The following SULT1E1 variants were observed in gnomAD, a reference collection of about 807,000 sequenced individuals.
The protein encoded by SULT1E1 is sulfotransferase family 1E member 1.
SULT1E1 carries 36 observed loss-of-function variants against 33.6 expected under a neutral mutation model. That is an observed-to-expected ratio of 1.07 (90% CI 0.82 to 1.41). The LOEUF (loss-of-function observed/expected upper bound fraction) is 1.41, where lower values mean the gene tolerates loss of function less well. SULT1E1 is among the 40% of genes most tolerant of loss of function. SULT1E1 has a pLI of 0.00. For synonymous variants in SULT1E1, 121 were observed against 111.7 expected (o/e 1.08, Z -0.53); for missense variants, 371 against 345.7 (o/e 1.07, Z -0.58).
intron 4 of SULT1E1, among the ~76,000 whole-genome samples, chr4:69,851,076 T>C (rs911743561): frequency 1.3e-5 from 2 of 152,102 alleles, no homozygotes; most frequent in African/African-American, 4.8e-5. Context: ...TTGCCATTGC[T>C]TTTGGTGTTT....
At chr4:69,848,071 G>A (rs2110068341) in intron 5 of SULT1E1, among the ~76,000 whole-genome samples, 1 of 141,050 alleles carries the variant, frequency 7.1e-6, no homozygotes, top group Middle Eastern at 3.6e-3. Flanking sequence ...AAGCTTATGA[G>A]AAAATTGTTG....
the SULT1E1 span, among the ~76,000 whole-genome samples, chr4:69,826,084 C>G: frequency 3.3e-5 from 5 of 152,116 alleles, no homozygotes; most frequent in Middle Eastern, 3.2e-3. Context: ...AAAAGCTATT[C>G]CTGAAGCTAG....
intron 6 of SULT1E1, among the ~76,000 whole-genome samples, chr4:69,844,853 A>G (rs568210868): frequency 3.9e-5 from 6 of 152,176 alleles, no homozygotes; most frequent in Non-Finnish European, 5.9e-5. Flanking sequence ...TATCTGTGCC[A>G]CTCCTATAAT....
downstream of SULT1E1, among the ~76,000 whole-genome samples, chr4:69,840,194 T>C (rs1382813032): frequency 6.6e-6 from 1 of 152,050 alleles, no homozygotes; most frequent in East Asian, 1.9e-4. Flanking sequence ...GTATAATTAA[T>C]AACTATATTA....
the SULT1E1 span, among the ~76,000 whole-genome samples, chr4:69,831,113 G>C: frequency 6.6e-6 from 1 of 152,108 alleles, no homozygotes; most frequent in Admixed American, 6.5e-5. Flanking sequence ...ACTCCTTGTG[G>C]GCAGCTGGGG....
the SULT1E1 span, among the ~76,000 whole-genome samples, chr4:69,834,848 C>T: frequency 5.5e-4 from 83 of 151,954 alleles, no homozygotes; most frequent in African/African-American, 1.9e-3. Flanking sequence ...CAGGGAAAAT[C>T]GCTGTTTCTA....
intron 2 of SULT1E1, among the ~76,000 whole-genome samples, chr4:69,856,257 C>G (rs1465351731): frequency 6.6e-6 from 1 of 152,134 alleles, no homozygotes; most frequent in Non-Finnish European, 1.5e-5. Context: ...CTCAGGCAAG[C>G]AGATAACAAG....
At position 69,841,673 on chromosome 4, in the gene SULT1E1, CAAAAAAACATTAA is replaced by C; in HGVS notation, c.*308_*320del. On this transcript the variant is annotated 3_prime_UTR_variant, in exon 8 of 8. Coordinates refer to ENST00000226444, the MANE Select transcript of SULT1E1 (RefSeq NM_005420.3). ...ACAATATAATAAGACCTCATCTCTA[CAAAAAAACATTAA>C]AAAAATTAGCCAAACATGGTTGCAC... is the stretch of plus-strand genomic sequence containing the variant. The C allele has an allele frequency of 5.5e-6, 1 of 182,188 alleles. No homozygotes were observed. Among genetic ancestry groups the C allele is most frequent in the Non-Finnish European group, 1.1e-5 (1 of 89,490 alleles). The allele number at this position is 182,188 out of a possible 1,614,324, so 11.3% of individuals were successfully genotyped here.
the SULT1E1 span, among the ~76,000 whole-genome samples, chr4:69,827,655 C>T: frequency 6.6e-6 from 1 of 152,164 alleles, no homozygotes; most frequent in African/African-American, 2.4e-5. Context: ...AAAGCGAGCC[C>T]TGGGCCCTGA....
downstream of SULT1E1, among the ~76,000 whole-genome samples, chr4:69,837,106 G>T (rs1483050512): frequency 6.6e-6 from 1 of 151,754 alleles, no homozygotes; most frequent in Admixed American, 6.6e-5. Flanking sequence ...AAAAAATGTA[G>T]GTAGGGGTTA....
the SULT1E1 span, among the ~76,000 whole-genome samples, chr4:69,825,430 G>A: frequency 6.6e-6 from 1 of 152,192 alleles, no homozygotes; most frequent in East Asian, 1.9e-4. Context: ...CAATCACCAA[G>A]TGGTGAGTAG....
downstream of SULT1E1, among the ~76,000 whole-genome samples, chr4:69,840,656 T>C (rs1281108721): frequency 6.6e-6 from 1 of 152,204 alleles, no homozygotes; most frequent in Non-Finnish European, 1.5e-5. Flanking sequence ...ATCACACTCA[T>C]TGGAATTATT....
chr4:69,849,572 A>T lies in SULT1E1; in HGVS notation c.370-9T>A. 6.3e-7 allele frequency: 1 copy of T among 1,583,538 alleles called. No homozygotes were observed. The highest frequency in any genetic ancestry group is 1.4e-5 in the African/African-American group (1 of 73,122). ...CGGCAAAGATAGATTATCTAAGAGGATGAAATTGTATATTAAACCACTTAA... is the reference window on the plus strand; with the variant it reads ...CGGCAAAGATAGATTATCTAAGAGGTTGAAATTGTATATTAAACCACTTAA... On this transcript the variant is annotated splice_polypyrimidine_tract_variant and intron_variant, in intron 4 of 7. Transcript: ENST00000226444.
In SULT1E1 at chr4:69,860,081, T is replaced by C. The variant is rs1349324022; in HGVS notation, c.-42A>G. ...GTTGATCCTGTGAAAGAAATTGATC[T>C]AGTTTATATCTCTTCAAATACCAAG... On this transcript the variant is annotated 5_prime_UTR_variant, in exon 1 of 8. Coordinates refer to ENST00000226444, the MANE Select transcript of SULT1E1 (RefSeq NM_005420.3). The C allele has an allele frequency of 1.3e-5, 2 of 152,134 alleles. No homozygotes were observed. The highest frequency in any genetic ancestry group is 2.9e-5 in the Non-Finnish European group (2 of 67,978). 9.4% of individuals were successfully genotyped at this position (152,134 alleles called of 1,614,324 possible).
intron 4 of SULT1E1, among the ~76,000 whole-genome samples, chr4:69,851,309 T>A (rs1396648040): frequency 1.3e-5 from 2 of 151,860 alleles, no homozygotes; most frequent in Admixed American, 6.6e-5. Context: ...CAAAAATGGG[T>A]GAAGGATATG....
chr4:69,839,511 G>C (rs1720844617), downstream of SULT1E1, among the ~76,000 whole-genome samples: 1 of 152,156 alleles, frequency 6.6e-6, no homozygotes, highest in Admixed American at 6.5e-5. Flanking sequence ...ACATTCAAAT[G>C]ATAACACATG....
chr4:69,822,500 C>T, the SULT1E1 span, among the ~76,000 whole-genome samples: 60 of 152,138 alleles, frequency 3.9e-4, 1 homozygote, highest in East Asian at 7.7e-4. Flanking sequence ...CCCAGCTACT[C>T]GGGAGACTGA....
intron 6 of SULT1E1, among the ~76,000 whole-genome samples, chr4:69,847,384 G>T (rs1294389721): frequency 6.6e-6 from 1 of 151,098 alleles, no homozygotes; most frequent in Non-Finnish European, 1.5e-5. Context: ...TGCCCATGTT[G>T]ATTCCTTGTG....
intron 2 of SULT1E1, among the ~76,000 whole-genome samples, chr4:69,856,750 T>C (rs1452310514): frequency 4.0e-5 from 6 of 151,690 alleles, no homozygotes; most frequent in African/African-American, 1.5e-4. Flanking sequence ...CTGGCTAACA[T>C]GGTGAAAACC....
Sources: allele counts gnomAD v4.1 joint callset (sites outside exome capture counted in the v4.1 genomes callset), GRCh38; gene constraint gnomAD v4.1.1; transcripts MANE v1.5; gene names NCBI Gene and HGNC (gene_info 2026-07-23, HGNC 2026-07-21).